The following RYR2 variants were observed in gnomAD, a reference collection of about 807,000 sequenced individuals.
The protein encoded by RYR2 is ryanodine receptor 2.
RYR2 carries 227 observed loss-of-function variants against 601.1 expected under a neutral mutation model. The ratio of observed to expected loss-of-function variants is 0.38; its 90% CI spans 0.34 to 0.42. The LOEUF (loss-of-function observed/expected upper bound fraction) is 0.42, where lower values mean the gene tolerates loss of function less well. Among genes scored for constraint, RYR2 ranks in the 10% least tolerant of loss-of-function variants. The pLI, the probability that RYR2 is intolerant of heterozygous loss-of-function variation, is 1.00. For missense variants in RYR2, 4,646 were observed against 6,156.5 expected (o/e 0.75, Z 8.21); for synonymous variants, 2,223 against 2,175.1 (o/e 1.02, Z -0.61).
chr1:237,540,927 A>G (rs890893232), intron 25 of RYR2, among the ~76,000 whole-genome samples: 2 of 143,966 alleles, frequency 1.4e-5, no homozygotes, highest in Non-Finnish European at 3.1e-5. Flanking sequence ...ATATATATAT[A>G]TATGTATGCA....
chr1:237,602,269 A>G (rs1447897705), intron 35 of RYR2, among the ~76,000 whole-genome samples, 158 bp downstream of exon 35: 2 of 152,214 alleles, frequency 1.3e-5, no homozygotes, highest in Non-Finnish European at 2.9e-5. Context: ...CTTTCAGGTC[A>G]CAAGGGTAAC....
chr1:237,416,182 G>A (rs1704960877), intron 10 of RYR2, among the ~76,000 whole-genome samples: 1 of 152,146 alleles, frequency 6.6e-6, no homozygotes, highest in African/African-American at 2.4e-5. Context: ...GGAGAAATGG[G>A]TCTGGAAGCA....
intron 1 of RYR2, among the ~76,000 whole-genome samples, chr1:237,175,919 A>C (rs904985464): frequency 6.6e-6 from 1 of 152,136 alleles, no homozygotes; most frequent in Non-Finnish European, 1.5e-5. Context: ...TGTAGACGTG[A>C]TGTGTTGGAA....
chr1:237,407,754 C>T (rs1227402624), intron 10 of RYR2, among the ~76,000 whole-genome samples: 1 of 151,782 alleles, frequency 6.6e-6, no homozygotes, highest in Non-Finnish European at 1.5e-5. Context: ...GTAGCTATGA[C>T]TACAGGTGCC....
intron 1 of RYR2, among the ~76,000 whole-genome samples, chr1:237,064,751 C>CTT (rs551797601): frequency 5.5e-5 from 6 of 110,008 alleles, no homozygotes; most frequent in South Asian, 3.2e-4. Flanking sequence ...TAGAACCTGT[C>CTT]TTTTTTTTTT....
At chr1:237,207,607 A>C (rs993857645) in intron 1 of RYR2, among the ~76,000 whole-genome samples, 4 of 152,190 alleles carry the variant, frequency 2.6e-5, no homozygotes, top group Non-Finnish European at 4.4e-5. Context: ...GAGACCATGC[A>C]GTAAGAAGCC....
chr1:237,085,496 A>G (rs1294746649), intron 1 of RYR2, among the ~76,000 whole-genome samples: 1 of 152,230 alleles, frequency 6.6e-6, no homozygotes, highest in East Asian at 1.9e-4. Context: ...GAGGAGGAGA[A>G]GGGAAGCAAT....
chr1:237,437,702 T>C (rs1210085559), intron 12 of RYR2, among the ~76,000 whole-genome samples: 2 of 152,178 alleles, frequency 1.3e-5, no homozygotes, highest in South Asian at 2.1e-4. Context: ...AGAGAAAATA[T>C]CCATACGCAC....
Position 237,642,703 on chromosome 1 carries a change from CCTAGT to C in RYR2, c.7222-621_7222-617del, listed in dbSNP as rs376566823. ...CAGATGCCCATCCCGGCTCTTCAGA[CCTAGT>C]CTGTCCTGAAGACTTGCTGAGATTC... On this transcript the variant is annotated intron_variant, in intron 47 of 104. Coordinates refer to ENST00000366574, the MANE Select transcript of RYR2 (RefSeq NM_001035.3). 3.0e-3 allele frequency among the ~76,000 whole-genome samples: 456 copies of C among 152,264 alleles called. 2 individuals carry two copies. The highest frequency in any genetic ancestry group is 0.01 in the African/African-American group (432 of 41,548).
chr1:237,341,097 G>A (rs1388743750), intron 3 of RYR2, among the ~76,000 whole-genome samples: 2 of 152,156 alleles, frequency 1.3e-5, no homozygotes, highest in Admixed American at 1.3e-4. Context: ...TTTAATCACA[G>A]TGGCGTAGTT....
intron 1 of RYR2, among the ~76,000 whole-genome samples, chr1:237,237,221 T>C (rs1685638159): frequency 6.6e-6 from 1 of 152,216 alleles, no homozygotes; most frequent in South Asian, 2.1e-4. Flanking sequence ...TATTTCTTTA[T>C]AGTGGTGTGA....
At chr1:237,769,175 G>GGAAA (rs1345156067) in intron 84 of RYR2, among the ~76,000 whole-genome samples, 6 of 151,954 alleles carry the variant, frequency 3.9e-5, no homozygotes, top group African/African-American at 1.5e-4. Context: ...GGGCTCACAG[G>GGAAA]GAAAGAATCA....
Position 237,709,014 on chromosome 1 carries a change from T to A in RYR2, c.10058T>A (p.Leu3353His). 6.2e-7 allele frequency: 1 copy of A among 1,613,172 alleles called. No homozygotes were observed. Among genetic ancestry groups the A allele is most frequent in the Non-Finnish European group, 8.5e-7 (1 of 1,179,174 alleles). Reference protein sequence around the residue: ...EARGDMSEAELLILDEFTTLA... With the variant: ...EARGDMSEAEHLILDEFTTLA... The stretch of plus-strand genomic sequence containing the variant: ...AGGGGGGACATGTCGGAGGCAGAAC[T>A]CCTCATCCTAGATGAGTTCACCACA... The change falls in exon 69 of 105, where the codon CTC becomes CAC. Residue 3353 changes from leucine (L) to histidine (H), a missense_variant. This residue lies in a region of RYR2 where 1,497 missense variants were observed against 1,842.6 expected (regional missense o/e 0.81). Coordinates refer to ENST00000366574, the MANE Select transcript of RYR2 (RefSeq NM_001035.3).
intron 1 of RYR2, among the ~76,000 whole-genome samples, chr1:237,192,138 C>G (rs981434183): frequency 6.6e-6 from 1 of 151,654 alleles, no homozygotes; most frequent in African/African-American, 2.4e-5. Flanking sequence ...AAGACTTCAA[C>G]CCATGCATCA....
chr1:237,729,085 CTCT>C (rs1431211101), intron 76 of RYR2, among the ~76,000 whole-genome samples: 2 of 152,134 alleles, frequency 1.3e-5, no homozygotes, highest in Non-Finnish European at 2.9e-5. Context: ...CCATCACCAC[CTCT>C]TCAAGTCGCT....
At chr1:237,615,916 T>A (rs1397568438) in intron 37 of RYR2, among the ~76,000 whole-genome samples, 1 of 152,156 alleles carries the variant, frequency 6.6e-6, no homozygotes, top group Non-Finnish European at 1.5e-5. Context: ...TGCTCAGCAG[T>A]TACAAGAAAA....
intron 1 of RYR2, among the ~76,000 whole-genome samples, chr1:237,253,002 TA>T (rs1687609225): frequency 6.6e-6 from 1 of 151,812 alleles, no homozygotes; most frequent in African/African-American, 2.4e-5. Flanking sequence ...CCATCTCTAC[TA>T]AAAATACAAA....
At chr1:237,547,878 T>C (rs1192710645) in intron 25 of RYR2, among the ~76,000 whole-genome samples, 2 of 152,216 alleles carry the variant, frequency 1.3e-5, no homozygotes, top group Non-Finnish European at 2.9e-5. Flanking sequence ...TGATTTTCTT[T>C]ACTTTCTAGT....
chr1:237,554,921 A>T (rs1670742477), intron 27 of RYR2: 1 of 152,060 alleles, frequency 6.6e-6, no homozygotes, highest in Non-Finnish European at 1.5e-5. Context: ...ATCTTTTCAA[A>T]GGTTAATTGA....
Sources: allele counts gnomAD v4.1 joint callset (sites outside exome capture counted in the v4.1 genomes callset), GRCh38; gene constraint gnomAD v4.1.1; regional missense constraint gnomAD v4.1.1; transcripts MANE v1.5; gene names NCBI Gene and HGNC (gene_info 2026-07-23, HGNC 2026-07-21).